The following CSMD1 variants were observed in gnomAD, a reference collection of about 807,000 sequenced individuals.
The protein encoded by CSMD1 is CUB and sushi domain-containing protein 1.
A neutral mutation model predicts 417.5 loss-of-function variants in CSMD1; 213 were observed. That is an observed-to-expected ratio of 0.51 (90% CI 0.46 to 0.57). The LOEUF (loss-of-function observed/expected upper bound fraction) is 0.57, where lower values mean the gene tolerates loss of function less well. Among genes scored for constraint, CSMD1 ranks in the 20% least tolerant of loss-of-function variants. The pLI is 0.00. For missense variants in CSMD1, 6,923 were observed against 4,529.7 expected, an observed-to-expected ratio of 1.53 and a Z score of -15.17; for synonymous variants, 2,862 against 1,736.8, an observed-to-expected ratio of 1.65 and a Z score of -16.11.
chr8:4,437,638 C>T (rs1192264846), intron 2 of CSMD1, among the ~76,000 whole-genome samples: 14 of 152,272 alleles, frequency 9.2e-5, no homozygotes, highest in African/African-American at 3.4e-4. Context: ...TTCCAGATCC[C>T]AGAGTCACAC....
At chr8:3,970,949 C>G (rs949220196) in intron 5 of CSMD1, among the ~76,000 whole-genome samples, 7 of 152,064 alleles carry the variant, frequency 4.6e-5, no homozygotes, top group Non-Finnish European at 1.5e-5. Context: ...TGAGGTTTCA[C>G]CATGTTGGCC....
chr8:4,058,841 T>A (rs1798828455), intron 3 of CSMD1, among the ~76,000 whole-genome samples: 1 of 151,492 alleles, frequency 6.6e-6, no homozygotes, highest in South Asian at 2.1e-4. Context: ...ACAATAATAA[T>A]GGGAGACTTT....
intron 1 of CSMD1, among the ~76,000 whole-genome samples, chr8:4,716,801 C>G (rs1007565644): frequency 2.0e-5 from 3 of 152,180 alleles, no homozygotes; most frequent in African/African-American, 7.2e-5. Context: ...TCGCCTTTTT[C>G]CTTGCCATTT....
chr8:3,019,969 T>C (rs534291945), intron 51 of CSMD1, among the ~76,000 whole-genome samples: 2 of 152,374 alleles, frequency 1.3e-5, no homozygotes, highest in South Asian at 2.1e-4. Flanking sequence ...TGAGCACTGA[T>C]GTGCAGGGTG....
At chr8:3,510,058 G>T (rs1216531998) in intron 10 of CSMD1, among the ~76,000 whole-genome samples, 1 of 152,150 alleles carries the variant, frequency 6.6e-6, no homozygotes, top group East Asian at 1.9e-4. Flanking sequence ...TGAAACACCG[G>T]TAAGGATAAA....
intron 10 of CSMD1, among the ~76,000 whole-genome samples, chr8:3,513,402 C>T (rs1414271096): frequency 6.6e-6 from 1 of 150,996 alleles, no homozygotes; most frequent in East Asian, 1.9e-4. Context: ...GTGGTGCTCA[C>T]TGCAACCTCT....
At chr8:4,798,234 T>C (rs1292336015) in intron 1 of CSMD1, among the ~76,000 whole-genome samples, 1 of 152,238 alleles carries the variant, frequency 6.6e-6, no homozygotes, top group East Asian at 1.9e-4. Context: ...CATTGTTCAG[T>C]TCCCACCTAT....
At chr8:3,799,451 G>C (rs930709058) in intron 5 of CSMD1, among the ~76,000 whole-genome samples, 6 of 131,118 alleles carry the variant, frequency 4.6e-5, no homozygotes, top group African/African-American at 1.8e-4. Flanking sequence ...TTGTGTCCAA[G>C]TGTTCTCACT....
At position 3,077,493 on chromosome 8, in the gene CSMD1, C is replaced by T. The variant is rs533300170; in HGVS notation, c.7474+9604G>A. ...GCCTCAGAGCAAAGCACTCATTCTCCCTGTGATGGTCTCTGGGCAGAAGCC... is the reference window on the plus strand; with the variant it reads ...GCCTCAGAGCAAAGCACTCATTCTCTCTGTGATGGTCTCTGGGCAGAAGCC... On this transcript the variant is annotated intron_variant, in intron 49 of 69. Coordinates refer to ENST00000635120, the MANE Select transcript of CSMD1 (RefSeq NM_033225.6). 1.9e-4 allele frequency among the ~76,000 whole-genome samples: 29 copies of T among 152,340 alleles called. No homozygotes were observed. In the South Asian group the frequency reaches 5.8e-3, roughly 30 times the overall value.
intron 19 of CSMD1, among the ~76,000 whole-genome samples, chr8:3,367,551 T>A (rs1377748214): frequency 1.3e-5 from 2 of 152,092 alleles, no homozygotes; most frequent in African/African-American, 4.8e-5. Context: ...TTAATCAAAA[T>A]ATTAAAATGT....
intron 3 of CSMD1, among the ~76,000 whole-genome samples, chr8:4,339,737 G>T (rs980277647): frequency 1.3e-5 from 2 of 152,050 alleles, no homozygotes; most frequent in African/African-American, 4.8e-5. Flanking sequence ...ATACGAAGTA[G>T]AAAAAGCTGA....
In CSMD1 at chr8:4,194,106, C is replaced by T. The variant is rs75908898; in HGVS notation, c.416-162007G>A. ...AATCTACTGTAAATGTTATGGTAGG[C>T]ATACGTTCAACAAAGAATGCAGAAT... On this transcript the variant is annotated intron_variant, in intron 3 of 69. Transcript: ENST00000635120. Among the ~76,000 whole-genome samples the T allele has an allele frequency of 5.9e-3, 904 of 152,110 alleles. 40 individuals are homozygous for T. In the East Asian group the frequency reaches 0.1, roughly 18 times the overall value.
chr8:3,703,570 C>T (rs79108572), intron 7 of CSMD1, among the ~76,000 whole-genome samples: 3 of 151,808 alleles, frequency 2.0e-5, no homozygotes, highest in Non-Finnish European at 4.4e-5. Context: ...ATGGGAAAAC[C>T]CCAAACTTTC....
At chr8:3,464,399 T>C (rs931280807) in intron 12 of CSMD1, among the ~76,000 whole-genome samples, 3 of 152,114 alleles carry the variant, frequency 2.0e-5, no homozygotes, top group Non-Finnish European at 4.4e-5. Flanking sequence ...CAACTTTCAA[T>C]TGAGCATAGG....
intron 2 of CSMD1, among the ~76,000 whole-genome samples, chr8:4,488,402 GC>G (rs1563226104): frequency 6.6e-6 from 1 of 152,042 alleles, no homozygotes; most frequent in Admixed American, 6.5e-5. Flanking sequence ...CCTGTGGGGG[GC>G]TTGATCTCGT....
intron 2 of CSMD1, among the ~76,000 whole-genome samples, chr8:4,434,927 T>G (rs912598989): frequency 2.6e-5 from 4 of 152,160 alleles, no homozygotes; most frequent in African/African-American, 9.7e-5. Context: ...CATGACAAAG[T>G]GACAACAGAT....
chr8:3,207,826 T>C (rs1418719213), intron 30 of CSMD1, among the ~76,000 whole-genome samples: 4 of 152,188 alleles, frequency 2.6e-5, no homozygotes, highest in Non-Finnish European at 5.9e-5. Context: ...AAAACACTTC[T>C]CTAAAACACT....
At chr8:3,351,123 T>G (rs2117658465) in intron 21 of CSMD1, among the ~76,000 whole-genome samples, 1 of 152,340 alleles carries the variant, frequency 6.6e-6, no homozygotes, top group African/African-American at 2.4e-5. Flanking sequence ...TGAGATGCAA[T>G]TAAGATTTCT....
chr8:4,243,147 G>T (rs771091195), intron 3 of CSMD1, among the ~76,000 whole-genome samples: 1 of 152,106 alleles, frequency 6.6e-6, no homozygotes, highest in African/African-American at 2.4e-5. Context: ...TTGGAAAAAG[G>T]AGAGGAGGGA....
Sources: gnomAD v4.1 joint callset for allele counts (sites outside exome capture counted in the v4.1 genomes callset) on GRCh38, gnomAD v4.1.1 for gene constraint, MANE v1.5 for transcripts, NCBI Gene and HGNC (gene_info 2026-07-23, HGNC 2026-07-21) for gene names.